AKAP19: variants seen among roughly 807,000 people sequenced by gnomAD.
AKAP19 encodes A-kinase anchoring protein 19.
At chr2:190,166,175 G>A in the AKAP19 span, among the ~76,000 whole-genome samples, 1 of 151,170 alleles carries the variant, frequency 6.6e-6, no homozygotes, top group Non-Finnish European at 1.5e-5. Context: ...AAATATGAGA[G>A]AATAAAATGA....
the AKAP19 span, among the ~76,000 whole-genome samples, chr2:189,958,062 G>A: frequency 2.0e-5 from 3 of 152,160 alleles, no homozygotes; most frequent in Non-Finnish European, 4.4e-5. Flanking sequence ...CCAAAGTGGT[G>A]GGATTACAGG....
chr2:189,950,510 T>G, the AKAP19 span, among the ~76,000 whole-genome samples: 1 of 152,124 alleles, frequency 6.6e-6, no homozygotes, highest in East Asian at 1.9e-4. Flanking sequence ...TAGTGTCACC[T>G]TTGCTGAAAG....
At chr2:190,025,101 C>T in the AKAP19 span, among the ~76,000 whole-genome samples, 1 of 152,282 alleles carries the variant, frequency 6.6e-6, no homozygotes, top group East Asian at 1.9e-4. Context: ...CCAGTTTTAT[C>T]TCCCACATGT....
chr2:190,062,647 C>A, the AKAP19 span: 9 of 1,581,626 alleles, frequency 5.7e-6, no homozygotes, highest in Non-Finnish European at 5.2e-6. Flanking sequence ...CTTCCTTTTA[C>A]TTTTCTTTTG....
chr2:189,968,035 C>T, the AKAP19 span, among the ~76,000 whole-genome samples: 1 of 151,882 alleles, frequency 6.6e-6, no homozygotes, highest in Non-Finnish European at 1.5e-5. Context: ...TGTGGAATAT[C>T]ACAGTTACCG....
the AKAP19 span, among the ~76,000 whole-genome samples, chr2:189,906,559 T>C: frequency 6.6e-6 from 1 of 152,114 alleles, no homozygotes; most frequent in Non-Finnish European, 1.5e-5. Context: ...TTACACTCTC[T>C]AGAATTTACA....
chr2:190,073,925 C>A, the AKAP19 span, among the ~76,000 whole-genome samples: 1 of 151,924 alleles, frequency 6.6e-6, no homozygotes, highest in Non-Finnish European at 1.5e-5. Flanking sequence ...GTGAGACGTG[C>A]CTGTAGTCCC....
the AKAP19 span, among the ~76,000 whole-genome samples, chr2:190,003,865 T>TAC: frequency 6.6e-6 from 1 of 151,574 alleles, no homozygotes; most frequent in Non-Finnish European, 1.5e-5. Flanking sequence ...AGACTCTGTA[T>TAC]AAAGAGAAAA....
the AKAP19 span, chr2:190,180,792 G>A: frequency 1.2e-5 from 12 of 985,316 alleles, no homozygotes; most frequent in Non-Finnish European, 1.3e-5. The surrounding 1 kb of genome is among the most constrained non-coding windows in gnomAD (Gnocchi z 6.8). Flanking sequence ...AGGAGCGCGC[G>A]GCGGGCGCGG....
At chr2:190,054,738 C>T in the AKAP19 span, among the ~76,000 whole-genome samples, 3 of 152,172 alleles carry the variant, frequency 2.0e-5, no homozygotes, top group African/African-American at 7.2e-5. Flanking sequence ...TGCTCATCAT[C>T]ACTGGCCATC....
At chr2:190,010,119 C>CA in the AKAP19 span, among the ~76,000 whole-genome samples, 1 of 152,090 alleles carries the variant, frequency 6.6e-6, no homozygotes, top group African/African-American at 2.4e-5. Flanking sequence ...TAAAACAAAA[C>CA]AAAAATGACA....
chr2:190,165,055 T>A, the AKAP19 span, among the ~76,000 whole-genome samples: 1 of 152,208 alleles, frequency 6.6e-6, no homozygotes, highest in African/African-American at 2.4e-5. Context: ...ATTTACAGTA[T>A]AAAAGAATCC....
At chr2:189,907,660 G>A in the AKAP19 span, among the ~76,000 whole-genome samples, 1 of 151,958 alleles carries the variant, frequency 6.6e-6, no homozygotes, top group Non-Finnish European at 1.5e-5. Flanking sequence ...CATGTAGTAG[G>A]CACTCAATAA....
chr2:190,063,577 C>T, the AKAP19 span, among the ~76,000 whole-genome samples: 1 of 152,058 alleles, frequency 6.6e-6, no homozygotes, highest in East Asian at 1.9e-4. Flanking sequence ...AGATTTCCAG[C>T]AGTAAATATC....
At chr2:189,911,809 T>C in the AKAP19 span, among the ~76,000 whole-genome samples, 1 of 152,214 alleles carries the variant, frequency 6.6e-6, no homozygotes, top group East Asian at 1.9e-4. Context: ...TTTGGATTAA[T>C]TGCTTTAGCA....
At chr2:190,132,192 AACTG>A in the AKAP19 span, among the ~76,000 whole-genome samples, 3 of 152,192 alleles carry the variant, frequency 2.0e-5, no homozygotes, top group African/African-American at 7.2e-5. Context: ...GGATTAGGAG[AACTG>A]ATATTGTTAA....
At chr2:189,929,151 C>T in the AKAP19 span, among the ~76,000 whole-genome samples, 1 of 152,066 alleles carries the variant, frequency 6.6e-6, no homozygotes, top group Non-Finnish European at 1.5e-5. Context: ...TTTGCTTCTA[C>T]TTGCTTCATT....
the AKAP19 span, among the ~76,000 whole-genome samples, chr2:190,140,520 C>A: frequency 2.0e-4 from 30 of 152,326 alleles, no homozygotes; most frequent in African/African-American, 7.2e-4. Context: ...CTTCTGTGCA[C>A]CTGCAGGCTC....
At chr2:190,017,946 T>A in the AKAP19 span, among the ~76,000 whole-genome samples, 2 of 152,304 alleles carry the variant, frequency 1.3e-5, no homozygotes, top group South Asian at 4.1e-4. Context: ...GTTGGTAAAT[T>A]TTTCCCTTCA....
Sources: gnomAD v4.1 joint callset for allele counts (sites outside exome capture counted in the v4.1 genomes callset) on GRCh38, gnomAD v4.1.1 for gene constraint, Gnocchi (gnomAD v3.1) non-coding constraint, MANE v1.5 for transcripts, NCBI Gene and HGNC (gene_info 2026-07-23, HGNC 2026-07-21) for gene names.